The following ABCC9 variants were observed in gnomAD, a reference collection of about 807,000 sequenced individuals.
The protein encoded by ABCC9 is ATP-binding cassette sub-family C member 9.
A neutral mutation model predicts 188.3 loss-of-function variants in ABCC9; 95 were observed. That is an observed-to-expected ratio of 0.50 (90% confidence interval 0.43 to 0.60). The LOEUF is 0.60. Among genes scored for constraint, ABCC9 ranks in the 20% least tolerant of loss-of-function variants. The pLI is 0.00. For synonymous variants in ABCC9, 659 were observed against 652.7 expected (o/e 1.01, Z -0.15); for missense variants, 1,102 against 1,876.3 (o/e 0.59, Z 7.62).
At chr12:21,870,477 C>T (rs924629268) in intron 18 of ABCC9, among the ~76,000 whole-genome samples, 3 of 152,048 alleles carry the variant, frequency 2.0e-5, no homozygotes, top group East Asian at 1.9e-4. Context: ...AGGCTGGTCT[C>T]GAACTGCTGG....
At chr12:21,890,164 A>T (rs1349537951) in intron 14 of ABCC9, among the ~76,000 whole-genome samples, 1 of 152,208 alleles carries the variant, frequency 6.6e-6, no homozygotes, top group Non-Finnish European at 1.5e-5. Flanking sequence ...ACAATTATGG[A>T]AAATGCACAA....
At chr12:21,915,478 A>ATGTG (rs1261739917) in intron 7 of ABCC9, among the ~76,000 whole-genome samples, 190 bp downstream of exon 7, 3 of 9,634 alleles carry the variant, frequency 3.1e-4, no homozygotes, top group South Asian at 5.8e-3. Context: ...GTGTGTATAT[A>ATGTG]TGTGTGTGTG....
chr12:21,815,695 G>A, intron 34 of ABCC9, 68 bp downstream of exon 34: 1 of 1,584,320 alleles, frequency 6.3e-7, no homozygotes, highest in Non-Finnish European at 8.6e-7. Context: ...GAAGAGCTTA[G>A]GTAGTAAAAA....
rs1591911930 is a variant in ABCC9 at position 21,800,308 on chromosome 12, A to T, written c.*736T>A. The T allele has an allele frequency of 6.6e-6, 1 of 152,210 alleles. No homozygotes were observed. Among genetic ancestry groups the T allele is most frequent in the South Asian group, 2.1e-4 (1 of 4,832 alleles). The allele number at this position is 152,210 out of a possible 1,614,324, so 9.4% of individuals were successfully genotyped here. A position where few individuals can be genotyped will look rare whatever the true frequency, so the allele number is the denominator to read the frequency against. On this transcript the variant is annotated 3_prime_UTR_variant, in exon 40 of 40. Transcript: ENST00000261200. ...GCCTGCCACTGAAAGATTGAACCTA[A>T]TCATTCTTTGAACTTCAGTCTGGAA...
chr12:21,933,921 AC>A lies in ABCC9; in HGVS notation c.144del (p.Trp49GlyfsTer23). 6.2e-7 allele frequency: 1 copy of A among 1,613,428 alleles called. No homozygotes were observed. The highest frequency in any genetic ancestry group is 1.1e-5 in the South Asian group (1 of 91,046). ...TGTACTTTTGAGCTTTGGCTCCCCC[AC>A]CCTGGAAAAGAGAGAAAAGTTAAAA... is the stretch of plus-strand genomic sequence containing the variant. The part of the protein sequence containing the change: ...LFITFPILFI[G>X]WGSQSSKVQI... On this transcript the variant is annotated frameshift_variant and splice_region_variant, in exon 4 of 40. Coordinates refer to ENST00000261200, the MANE Select transcript of ABCC9 (RefSeq NM_020297.4). LOFTEE classifies it high-confidence loss of function.
intron 14 of ABCC9, 130 bp downstream of exon 14, chr12:21,893,902 A>G: frequency 1.0e-5 from 10 of 967,476 alleles, no homozygotes; most frequent in Middle Eastern, 4.7e-4. Context: ...GTAGCATACC[A>G]CAATTTTAAC....
intron 20 of ABCC9, among the ~76,000 whole-genome samples, chr12:21,861,876 G>T (rs529873537): frequency 2.6e-5 from 4 of 152,258 alleles, no homozygotes; most frequent in Admixed American, 2.6e-4. Context: ...GCATGCTGAA[G>T]AGAGGAGACA....
intron 35 of ABCC9, among the ~76,000 whole-genome samples, chr12:21,814,085 A>C (rs1343641565): frequency 6.6e-6 from 1 of 152,134 alleles, no homozygotes; most frequent in Non-Finnish European, 1.5e-5. Flanking sequence ...GTATCATATT[A>C]TTAATACTAT....
chr12:21,803,505 A>C (rs1941619435), intron 39 of ABCC9, among the ~76,000 whole-genome samples: 1 of 151,952 alleles, frequency 6.6e-6, no homozygotes, highest in East Asian at 1.9e-4. Context: ...AAAATACAAA[A>C]TTAGCCGGGC....
chr12:21,900,695 G>C (rs1304189830), intron 12 of ABCC9, among the ~76,000 whole-genome samples: 1 of 152,186 alleles, frequency 6.6e-6, no homozygotes, highest in Admixed American at 6.5e-5. Context: ...TGATCAACTG[G>C]AGGAAAGGAT....
chr12:21,858,807 G>C (rs1945357321), intron 22 of ABCC9, among the ~76,000 whole-genome samples: 1 of 152,066 alleles, frequency 6.6e-6, no homozygotes, highest in Non-Finnish European at 1.5e-5. Flanking sequence ...ATGGAGTGAA[G>C]ACTCTAAAAA....
chr12:21,921,908 A>G (rs1373006951), intron 5 of ABCC9, among the ~76,000 whole-genome samples: 1 of 151,832 alleles, frequency 6.6e-6, no homozygotes, highest in African/African-American at 2.4e-5. Flanking sequence ...TCTGGATTCT[A>G]TATTCTGTTC....
At chr12:21,891,909 C>T (rs4148661) in intron 14 of ABCC9, among the ~76,000 whole-genome samples, 53,760 of 152,076 alleles carry the variant, frequency 0.35, 11,092 homozygotes, top group Middle Eastern at 0.47. Flanking sequence ...TAAGTCCAAT[C>T]AACACTGGGA....
intron 31 of ABCC9, chr12:21,827,567 C>CACACAT (rs1943459381): frequency 7.0e-6 from 1 of 143,756 alleles, no homozygotes; most frequent in African/African-American, 2.6e-5. Flanking sequence ...CACACACACA[C>CACACAT]ACACTCACAT....
rs1942471557 is a variant in ABCC9, at chr12:21,814,512, T to A, written c.4102+132A>T. ...TTTTGAGCTGTTTATTTGGGATATC[T>A]GCCTTGAACCATGTGTAGAGCACAA... is the stretch of plus-strand genomic sequence containing the variant. On this transcript the variant is annotated intron_variant, in intron 35 of 39. Coordinates refer to ENST00000261200, the MANE Select transcript of ABCC9 (RefSeq NM_020297.4). 8.0e-6 allele frequency: 6 copies of A among 751,670 alleles called. No homozygotes were observed. In the South Asian group the frequency reaches 9.1e-5, roughly 11 times the overall value. The allele number at this position is 751,670 out of a possible 1,614,324, so 46.6% of individuals were successfully genotyped here.
chr12:21,915,888 G>T lies in ABCC9; in HGVS notation c.596C>A (p.Pro199His). Residue 199 changes from proline to histidine, a missense_variant, in exon 7 of 40, where the codon CCT becomes CAT. By Grantham distance (77) the Pro-to-His change is moderately conservative (BLOSUM62 -2). Transcript: ENST00000261200. The stretch of plus-strand genomic sequence containing the variant: ...GTCTTCAGGAGGCTTTACTTTCTGA[G>T]GATTCATGAAAAATACATATCTCTG... Reference protein sequence around the residue: ...RVRRYVFFMNPQKVKPPEDLQ... With the variant: ...RVRRYVFFMNHQKVKPPEDLQ... 6.2e-7 allele frequency: 1 copy of T among 1,612,524 alleles called. No homozygotes were observed. The highest frequency in any genetic ancestry group is 8.5e-7 in the Non-Finnish European group (1 of 1,179,094).
chr12:21,877,573 G>T (rs889006115), intron 16 of ABCC9, among the ~76,000 whole-genome samples: 2 of 152,138 alleles, frequency 1.3e-5, no homozygotes, highest in Non-Finnish European at 2.9e-5. Flanking sequence ...TAGGGTAGGT[G>T]AGGAGGCTAA....
In ABCC9 at chr12:21,813,728, A is replaced by G. The variant is rs191900084; in HGVS notation, c.4102+916T>C. 2.0e-5 allele frequency among the ~76,000 whole-genome samples: 3 copies of G among 152,338 alleles called. No individual in the cohort carries two copies. The East Asian group carries it at 5.8e-4, about 29-fold the overall frequency. ...AATAAGCTGCTAACTTAGTGACAGA[A>G]GTTTACCTTGTTCCTGAATCTGAAC... On this transcript the variant is annotated intron_variant, in intron 35 of 39. Transcript: ENST00000261200.
rs1312470132 is a variant in ABCC9, at chr12:21,800,286, T to G, written c.*758A>C. On this transcript the variant is annotated 3_prime_UTR_variant, in exon 40 of 40. Transcript: ENST00000261200. ...TAAACTATAGAAAGTTTAGCTGGCC[T>G]GCCACTGAAAGATTGAACCTAATCA... 1 of 152,234 alleles carries G rather than the reference T, an allele frequency of 6.6e-6. No homozygotes were observed. Among genetic ancestry groups the G allele is most frequent in the Non-Finnish European group, 1.5e-5 (1 of 68,046 alleles). The allele number at this position is 152,234 out of a possible 1,614,324, so 9.4% of individuals were successfully genotyped here. A position where few individuals can be genotyped will look rare whatever the true frequency, so the allele number is the denominator to read the frequency against.
Sources: gnomAD v4.1 joint callset for allele counts (sites outside exome capture counted in the v4.1 genomes callset) on GRCh38, gnomAD v4.1.1 for gene constraint, MANE v1.5 for transcripts, NCBI Gene and HGNC (gene_info 2026-07-23, HGNC 2026-07-21) for gene names.